CENPW: variants seen among roughly 807,000 people sequenced by gnomAD.
CENPW encodes cancer-up-regulated gene 2 protein.
In CENPW, 3 loss-of-function variants were observed where a neutral mutation model predicts 11.1. The ratio of observed to expected loss-of-function variants is 0.27; its 90% CI spans 0.12 to 0.70. CENPW has a LOEUF of 0.70. CENPW is among the 30% of genes least tolerant of loss of function. The pLI is 0.77. For synonymous variants in CENPW, 38 were observed against 42.0 expected (o/e 0.91, Z 0.37); for missense variants, 100 against 105.6 (o/e 0.95, Z 0.23).
chr6:126,422,450 T>A, the CENPW span, among the ~76,000 whole-genome samples: 1 of 152,032 alleles, frequency 6.6e-6, no homozygotes, highest in Non-Finnish European at 1.5e-5. Flanking sequence ...ATGACCACCT[T>A]TTTCTTCATC....
At chr6:126,392,454 C>A in the CENPW span, among the ~76,000 whole-genome samples, 1 of 151,750 alleles carries the variant, frequency 6.6e-6, no homozygotes, top group Non-Finnish European at 1.5e-5. Flanking sequence ...GCATATATAC[C>A]TTTTATTATG....
the CENPW span, among the ~76,000 whole-genome samples, chr6:126,393,068 A>G: frequency 2.0e-5 from 3 of 151,746 alleles, no homozygotes; most frequent in Admixed American, 6.6e-5. Context: ...AGATTTTCCA[A>G]TGTATTGGTA....
chr6:126,393,759 AATT>A, the CENPW span, among the ~76,000 whole-genome samples: 1 of 149,328 alleles, frequency 6.7e-6, no homozygotes, highest in Non-Finnish European at 1.5e-5. Flanking sequence ...CATATATAAA[AATT>A]ATATGTGGAT....
the CENPW span, among the ~76,000 whole-genome samples, chr6:126,368,175 G>T: frequency 6.6e-6 from 1 of 152,198 alleles, no homozygotes; most frequent in Admixed American, 6.5e-5. Flanking sequence ...GCATATCCAG[G>T]TATCACCTTT....
At chr6:126,352,497 T>G (rs1433869113), downstream of CENPW, among the ~76,000 whole-genome samples, 1 of 152,148 alleles carries the variant, frequency 6.6e-6, no homozygotes, top group Non-Finnish European at 1.5e-5. Flanking sequence ...CTATTTACAT[T>G]GTTTTCTTGA....
chr6:126,351,680 T>C (rs1333693102), downstream of CENPW, among the ~76,000 whole-genome samples: 1 of 152,146 alleles, frequency 6.6e-6, no homozygotes, highest in African/African-American at 2.4e-5. Context: ...TTTGGCCACA[T>C]ATTTTCCTTT....
At chr6:126,416,824 G>A in the CENPW span, among the ~76,000 whole-genome samples, 3 of 152,222 alleles carry the variant, frequency 2.0e-5, no homozygotes, top group Admixed American at 6.5e-5. Flanking sequence ...GTTTGCTGCA[G>A]GATCAGGGGT....
At chr6:126,465,031 G>C in the CENPW span, among the ~76,000 whole-genome samples, 1 of 151,926 alleles carries the variant, frequency 6.6e-6, no homozygotes, top group East Asian at 1.9e-4. Context: ...GCGAGAAAAA[G>C]AAAACAAAAG....
chr6:126,441,012 A>G, the CENPW span, among the ~76,000 whole-genome samples: 1 of 151,538 alleles, frequency 6.6e-6, no homozygotes, highest in African/African-American at 2.4e-5. Context: ...AATAGAAACT[A>G]GAAGACTAAT....
chr6:126,431,816 C>CA, the CENPW span, among the ~76,000 whole-genome samples: 1 of 151,936 alleles, frequency 6.6e-6, no homozygotes, highest in Non-Finnish European at 1.5e-5. Flanking sequence ...CCTGTAGTCC[C>CA]ACCACTTTGG....
the CENPW span, among the ~76,000 whole-genome samples, chr6:126,413,276 A>G: frequency 2.0e-5 from 3 of 152,302 alleles, no homozygotes; most frequent in African/African-American, 4.8e-5. Flanking sequence ...TCTTAAAGGC[A>G]CAAAATAGTC....
chr6:126,367,644 C>G, the CENPW span, among the ~76,000 whole-genome samples: 4 of 152,176 alleles, frequency 2.6e-5, no homozygotes, highest in South Asian at 8.3e-4. Flanking sequence ...TCTTGAAACA[C>G]TAGAGATTTA....
At chr6:126,456,437 AAAAC>A in the CENPW span, among the ~76,000 whole-genome samples, 2 of 151,634 alleles carry the variant, frequency 1.3e-5, no homozygotes, top group Admixed American at 6.6e-5. Flanking sequence ...AGAGTCAACA[AAAAC>A]AAACAATGAG....
At chr6:126,385,122 A>C in the CENPW span, among the ~76,000 whole-genome samples, 1 of 152,176 alleles carries the variant, frequency 6.6e-6, no homozygotes, top group Non-Finnish European at 1.5e-5. Context: ...GGTGCTGGCA[A>C]GGTTGCAAAG....
the CENPW span, among the ~76,000 whole-genome samples, chr6:126,399,686 T>A: frequency 6.6e-6 from 1 of 152,214 alleles, no homozygotes; most frequent in Non-Finnish European, 1.5e-5. Flanking sequence ...GATTTTTTAA[T>A]GCTGAGTATA....
At chr6:126,421,582 C>CTT in the CENPW span, among the ~76,000 whole-genome samples, 140 of 143,568 alleles carry the variant, frequency 9.8e-4, no homozygotes, top group African/African-American at 3.1e-3. Flanking sequence ...CTAACACTTT[C>CTT]TTTTTTTTTT....
intron 1 of CENPW, among the ~76,000 whole-genome samples, chr6:126,345,492 ACACGGTTTC>A (rs1265926482): frequency 6.6e-6 from 1 of 152,118 alleles, no homozygotes; most frequent in African/African-American, 2.4e-5. Flanking sequence ...CAAAAATAGT[ACACGGTTTC>A]CGTGTATCCT....
At chr6:126,442,076 A>G in the CENPW span, among the ~76,000 whole-genome samples, 3 of 151,656 alleles carry the variant, frequency 2.0e-5, no homozygotes, top group Non-Finnish European at 4.4e-5. Flanking sequence ...CTAACAGTGT[A>G]AAAGTGTTCA....
the CENPW span, among the ~76,000 whole-genome samples, chr6:126,403,757 C>T: frequency 6.6e-6 from 1 of 151,860 alleles, no homozygotes; most frequent in Non-Finnish European, 1.5e-5. Flanking sequence ...TAAGTGCTGA[C>T]ATAGAAGCTA....
Sources: allele counts gnomAD v4.1 joint callset (sites outside exome capture counted in the v4.1 genomes callset), GRCh38; gene constraint gnomAD v4.1.1; transcripts MANE v1.5; gene names NCBI Gene and HGNC (gene_info 2026-07-23, HGNC 2026-07-21).